PRKAR1A: variants seen among roughly 807,000 people sequenced by gnomAD.
PRKAR1A encodes the protein cAMP-dependent protein kinase type I-alpha regulatory subunit.
A neutral mutation model predicts 52.0 loss-of-function variants in PRKAR1A; 3 were observed. That is an observed-to-expected ratio of 0.06 (90% CI 0.03 to 0.15). PRKAR1A has a LOEUF of 0.15. Ranked by LOEUF, PRKAR1A falls within the 10% of genes least tolerant of loss-of-function variation. The pLI is 1.00. For missense variants in PRKAR1A, 240 were observed against 477.4 expected (o/e 0.50, Z 4.63); for synonymous variants, 188 against 168.4 (o/e 1.12, Z -0.90).
At chr17:68,438,757 C>T in the PRKAR1A span, among the ~76,000 whole-genome samples, 6 of 152,262 alleles carry the variant, frequency 3.9e-5, no homozygotes, top group Middle Eastern at 3.4e-3. Flanking sequence ...TGTGCCACCA[C>T]GCCCAGCTAA....
At chr17:68,500,865 G>A in the PRKAR1A span, among the ~76,000 whole-genome samples, 26 of 152,110 alleles carry the variant, frequency 1.7e-4, no homozygotes, top group African/African-American at 2.4e-4. Context: ...TATACACACC[G>A]TGAAAGTGCT....
At chr17:68,496,818 C>T in the PRKAR1A span, among the ~76,000 whole-genome samples, 32 of 91,202 alleles carry the variant, frequency 3.5e-4, no homozygotes, top group East Asian at 1.0e-3. Context: ...TTAGTTTTTA[C>T]TTTTTTTTTT....
At chr17:68,468,736 C>A in the PRKAR1A span, among the ~76,000 whole-genome samples, 2 of 152,102 alleles carry the variant, frequency 1.3e-5, no homozygotes, top group African/African-American at 2.4e-5. Context: ...ACAGATTGGA[C>A]CTTTCATTAT....
the PRKAR1A span, among the ~76,000 whole-genome samples, chr17:68,414,662 T>C: frequency 1.5e-3 from 219 of 141,382 alleles, no homozygotes; most frequent in Non-Finnish European, 2.7e-3. Flanking sequence ...TCCTAGACTT[T>C]TGTTGTTGTT....
intron 9 of PRKAR1A, among the ~76,000 whole-genome samples, chr17:68,529,417 T>C (rs2143374707): frequency 6.6e-6 from 1 of 152,352 alleles, no homozygotes; most frequent in South Asian, 2.1e-4. Flanking sequence ...TAGCAGATAC[T>C]CTTGCTAAGC....
Position 68,532,988 on chromosome 17 carries a change from TAGTC to T in PRKAR1A, c.*2541_*2544del. 1 of 1,065,896 alleles carries T rather than the reference TAGTC, an allele frequency of 9.4e-7. No homozygotes were observed. The highest frequency in any genetic ancestry group is 1.1e-6 in the Non-Finnish European group (1 of 879,670). The allele number at this position is 1,065,896 out of a possible 1,614,324, so 66.0% of individuals were successfully genotyped here. ...TTGAGATGTAGCAGATTTATTTACTTAGTCATGGAAAGAAAAAAATTCAGTCAAA... is the reference window on the plus strand; with the variant it reads ...TTGAGATGTAGCAGATTTATTTACTTATGGAAAGAAAAAAATTCAGTCAAA... On this transcript the variant is annotated 3_prime_UTR_variant, in exon 11 of 11. Coordinates refer to ENST00000589228, the MANE Select transcript of PRKAR1A (RefSeq NM_002734.5).
At chr17:68,460,110 C>T in the PRKAR1A span, among the ~76,000 whole-genome samples, 3 of 152,236 alleles carry the variant, frequency 2.0e-5, no homozygotes, top group Admixed American at 6.5e-5. Context: ...TGAGCCACCA[C>T]GCCTGGCCTC....
chr17:68,516,813 T>C (rs1230946807), intron 2 of PRKAR1A, among the ~76,000 whole-genome samples: 1 of 152,200 alleles, frequency 6.6e-6, no homozygotes, highest in Non-Finnish European at 1.5e-5. Context: ...TTCTCTTATT[T>C]ATGCAATTTC....
At chr17:68,522,432 T>C (rs926480967) in intron 2 of PRKAR1A, among the ~76,000 whole-genome samples, 4 of 152,242 alleles carry the variant, frequency 2.6e-5, no homozygotes, top group Non-Finnish European at 5.9e-5. Flanking sequence ...GTTACTGTTG[T>C]GTGCATCACA....
the PRKAR1A span, among the ~76,000 whole-genome samples, chr17:68,492,854 A>T: frequency 1.1e-4 from 16 of 152,142 alleles, no homozygotes; most frequent in Non-Finnish European, 1.3e-4. Flanking sequence ...TTCCTTTTTT[A>T]TGGCTGCATA....
chr17:68,458,645 A>G, the PRKAR1A span, among the ~76,000 whole-genome samples: 13 of 152,226 alleles, frequency 8.5e-5, no homozygotes, highest in Admixed American at 8.5e-4. Flanking sequence ...GTAATTCGAG[A>G]TAAACCTTAA....
At chr17:68,461,837 T>G in the PRKAR1A span, among the ~76,000 whole-genome samples, 17 of 152,116 alleles carry the variant, frequency 1.1e-4, no homozygotes, top group African/African-American at 3.9e-4. The surrounding 1 kb of genome is among the most constrained non-coding windows in gnomAD (Gnocchi z 4.6). Context: ...GAGGAGGGGT[T>G]GGGCTGTGGG....
At chr17:68,482,116 C>T in the PRKAR1A span, among the ~76,000 whole-genome samples, 5 of 152,174 alleles carry the variant, frequency 3.3e-5, no homozygotes, top group South Asian at 4.1e-4. Context: ...AGGTCAGAGA[C>T]GATGTCTCCA....
intron 2 of PRKAR1A, among the ~76,000 whole-genome samples, chr17:68,518,496 T>A (rs1214214144): frequency 1.3e-5 from 2 of 152,214 alleles, no homozygotes; most frequent in Admixed American, 6.5e-5. Flanking sequence ...GGGCTTGCAC[T>A]CTCTGAAGTA....
chr17:68,430,892 CT>C, the PRKAR1A span, among the ~76,000 whole-genome samples: 1 of 152,190 alleles, frequency 6.6e-6, no homozygotes, highest in African/African-American at 2.4e-5. Context: ...GGATTAGGTC[CT>C]GGTGGGAAGC....
chr17:68,486,515 T>TCCTTCCTTCCC, the PRKAR1A span, among the ~76,000 whole-genome samples: 407 of 58,650 alleles, frequency 6.9e-3, 5 homozygotes, highest in African/African-American at 0.02. Context: ...CCTTCTTTCT[T>TCCTTCCTTCCC]TCTTTCTTTC....
chr17:68,501,607 A>G, the PRKAR1A span, among the ~76,000 whole-genome samples: 1 of 152,064 alleles, frequency 6.6e-6, no homozygotes, highest in Admixed American at 6.6e-5. Context: ...ACATGTGCAT[A>G]ACCATGCCTG....
At chr17:68,474,057 T>G in the PRKAR1A span, among the ~76,000 whole-genome samples, 4 of 151,156 alleles carry the variant, frequency 2.6e-5, no homozygotes, top group African/African-American at 9.9e-5. Context: ...AAGAAAAAAA[T>G]GCATGTTAAC....
At chr17:68,535,248 CA>C (rs1468616296), downstream of PRKAR1A, 2 of 450,928 alleles carry the variant, frequency 4.4e-6, no homozygotes, top group Non-Finnish European at 8.9e-6. Flanking sequence ...TGTTACTAAT[CA>C]AAAAGTAATG....
Sources: gnomAD v4.1 joint callset for allele counts (sites outside exome capture counted in the v4.1 genomes callset) on GRCh38, gnomAD v4.1.1 for gene constraint, Gnocchi (gnomAD v3.1) non-coding constraint, MANE v1.5 for transcripts, NCBI Gene and HGNC (gene_info 2026-07-23, HGNC 2026-07-21) for gene names.